BIN2: variants seen among roughly 807,000 people sequenced by gnomAD.
The protein encoded by BIN2 is bridging integrator 2.
In BIN2, 43 loss-of-function variants were observed where a neutral mutation model predicts 67.9. The observed-to-expected ratio is 0.63, with a 90% CI of 0.50 to 0.82. The LOEUF (loss-of-function observed/expected upper bound fraction) is 0.82. Among genes scored for constraint, BIN2 ranks in the 40% least tolerant of loss-of-function variants. BIN2 has a pLI of 0.00. For synonymous variants in BIN2, 244 were observed against 246.8 expected (o/e 0.99, Z 0.11); for missense variants, 581 against 671.6 (o/e 0.87, Z 1.49).
intron 2 of BIN2, among the ~76,000 whole-genome samples, chr12:51,304,866 A>T (rs943886741): frequency 1.3e-5 from 2 of 151,490 alleles, no homozygotes; most frequent in African/African-American, 4.9e-5. Flanking sequence ...AATACAAAAA[A>T]ATTAGCTGGG....
intron 8 of BIN2, among the ~76,000 whole-genome samples, chr12:51,296,508 A>C (rs988667633): frequency 2.0e-5 from 3 of 152,160 alleles, no homozygotes; most frequent in Non-Finnish European, 2.9e-5. Context: ...AAAAAAAAAA[A>C]ACCAAAAAAC....
intron 8 of BIN2, among the ~76,000 whole-genome samples, chr12:51,296,132 G>T (rs1222842876): frequency 6.6e-6 from 1 of 152,078 alleles, no homozygotes; most frequent in East Asian, 1.9e-4. Context: ...GTCCATAACT[G>T]ATGTCTGATT....
At position 51,303,955 on chromosome 12, in the gene BIN2, CT is replaced by C. The variant is rs1326310560; in HGVS notation, c.163-815del. ...TGATTTTAAACTAGCTCTGTTAAAA[CT>C]TTTTCTGGCTGGGCGTGGCAGTTCA... On this transcript the variant is annotated intron_variant, in intron 2 of 12. Transcript: ENST00000615107. Among the ~76,000 whole-genome samples the C allele has an allele frequency of 1.1e-4, 17 of 152,288 alleles. 1 individual carries two copies. In the South Asian group the frequency reaches 3.3e-3, roughly 30 times the overall value.
intron 12 of BIN2, among the ~76,000 whole-genome samples, chr12:51,282,081 T>TC (rs1350854369): frequency 6.6e-6 from 1 of 152,158 alleles, no homozygotes; most frequent in East Asian, 1.9e-4. Context: ...ATCAGGTTTT[T>TC]CTCTTCTTGG....
chr12:51,316,234 C>T (rs1040796915), intron 1 of BIN2, among the ~76,000 whole-genome samples: 4 of 151,552 alleles, frequency 2.6e-5, no homozygotes, highest in African/African-American at 4.9e-5. Context: ...CTCATGCGCC[C>T]GGCCTTGGGA....
chr12:51,281,599 T>G, intron 12 of BIN2, 71 bp from the exon 13 acceptor site: 1 of 1,493,900 alleles, frequency 6.7e-7, no homozygotes, highest in Non-Finnish European at 9.3e-7. Flanking sequence ...GGGGTTAAAC[T>G]CAGTTTGCTT....
At chr12:51,322,037 C>G (rs1027091416) in intron 1 of BIN2, among the ~76,000 whole-genome samples, 5 of 152,180 alleles carry the variant, frequency 3.3e-5, no homozygotes, top group Non-Finnish European at 5.9e-5. Flanking sequence ...TTTTCTTCAT[C>G]AGCTGGGAAT....
Position 51,291,584 on chromosome 12 carries a change from C to G in BIN2, c.1515+7G>C. The G allele has an allele frequency of 6.3e-7, 1 of 1,586,512 alleles. No individual in the cohort carries two copies. Reference sequence around the variant, plus strand: ...TAAATTAAATACCCAACCAGAACTACTCTTACCTGAGATGTCATTAAGGTG... The same window carrying G: ...TAAATTAAATACCCAACCAGAACTAGTCTTACCTGAGATGTCATTAAGGTG... On this transcript the variant is annotated splice_region_variant and intron_variant, in intron 10 of 12. Coordinates refer to ENST00000615107, the MANE Select transcript of BIN2 (RefSeq NM_016293.4).
intron 11 of BIN2, 57 bp downstream of exon 11, chr12:51,288,051 A>G: frequency 7.9e-7 from 1 of 1,259,624 alleles, no homozygotes; most frequent in East Asian, 2.4e-5. Flanking sequence ...AGAAAAATAA[A>G]TTTTAATGTA....
intron 11 of BIN2, among the ~76,000 whole-genome samples, 181 bp downstream of exon 11, chr12:51,287,927 A>C (rs547194397): frequency 6.6e-6 from 1 of 152,324 alleles, no homozygotes; most frequent in South Asian, 2.1e-4. Flanking sequence ...CTGGGATTAC[A>C]GGCATGAGCC....
Position 51,311,263 on chromosome 12 carries a change from T to A in BIN2, c.162+2560A>T, listed in dbSNP as rs138235556. Among the ~76,000 whole-genome samples, 337 of 152,082 alleles carry A rather than the reference T, an allele frequency of 2.2e-3. 1 individual carries two copies. The highest frequency in any genetic ancestry group is 3.8e-3 in the Admixed American group (58 of 15,250). On this transcript the variant is annotated intron_variant, in intron 2 of 12. Coordinates refer to ENST00000615107, the MANE Select transcript of BIN2 (RefSeq NM_016293.4). ...AGTTAAGGTCTCCTGTGTTGCCGGG[T>A]TTGTCTCAAACTCCTAGTCTTAGCA... is the stretch of plus-strand genomic sequence containing the variant.
At chr12:51,301,217 C>CA (rs1327471490) in intron 5 of BIN2, among the ~76,000 whole-genome samples, 21 of 150,226 alleles carry the variant, frequency 1.4e-4, no homozygotes, top group Non-Finnish European at 3.0e-4. Context: ...GACTCCATCT[C>CA]AAAAAAAAGA....
At chr12:51,301,151 G>A (rs1396076592) in intron 5 of BIN2, among the ~76,000 whole-genome samples, 4 of 152,070 alleles carry the variant, frequency 2.6e-5, no homozygotes, top group Non-Finnish European at 5.9e-5. Context: ...CCGGGAGGCG[G>A]GGGTTGCAGT....
At chr12:51,304,970 A>T (rs956168896) in intron 2 of BIN2, among the ~76,000 whole-genome samples, 3 of 152,018 alleles carry the variant, frequency 2.0e-5, no homozygotes, top group Non-Finnish European at 4.4e-5. Context: ...GTGAGCTGAG[A>T]TCACGCCACC....
intron 2 of BIN2, among the ~76,000 whole-genome samples, chr12:51,311,858 G>A (rs1364404586): frequency 6.6e-6 from 1 of 151,680 alleles, no homozygotes; most frequent in East Asian, 1.9e-4. Flanking sequence ...TGCAACTTCC[G>A]CCTCCCAGGT....
chr12:51,309,261 A>G (rs1284687326), intron 2 of BIN2, among the ~76,000 whole-genome samples: 2 of 152,102 alleles, frequency 1.3e-5, no homozygotes, highest in Admixed American at 1.3e-4. Context: ...CTTCACAAAA[A>G]GAAAAAAAAT....
At chr12:51,287,197 T>C (rs968019200) in intron 11 of BIN2, among the ~76,000 whole-genome samples, 1 of 152,110 alleles carries the variant, frequency 6.6e-6, no homozygotes, top group Non-Finnish European at 1.5e-5. Context: ...TGGAGTGCAG[T>C]GGCTATTCAC....
At chr12:51,319,182 G>C (rs2137446922) in intron 1 of BIN2, among the ~76,000 whole-genome samples, 1 of 152,312 alleles carries the variant, frequency 6.6e-6, no homozygotes, top group Non-Finnish European at 1.5e-5. Context: ...ACTCAGTCTA[G>C]AGTCAGTGTA....
intron 5 of BIN2, among the ~76,000 whole-genome samples, chr12:51,300,714 C>T (rs1945700074): frequency 6.6e-6 from 1 of 152,218 alleles, no homozygotes; most frequent in Non-Finnish European, 1.5e-5. Context: ...TAGCAATTAT[C>T]TGGTCCAATT....
Sources: allele counts gnomAD v4.1 joint callset (sites outside exome capture counted in the v4.1 genomes callset), GRCh38; gene constraint gnomAD v4.1.1; transcripts MANE v1.5; gene names NCBI Gene and HGNC (gene_info 2026-07-23, HGNC 2026-07-21).